Variants in AMPH observed in about 807,000 individuals in gnomAD.
The protein encoded by AMPH is amphiphysin (Stiff-Mann syndrome with breast cancer 128kD autoantigen).
Under a neutral mutation model 99.1 loss-of-function variants are expected in AMPH, and 49 were observed. The ratio of observed to expected loss-of-function variants is 0.49; its 90% confidence interval spans 0.39 to 0.63. The LOEUF (loss-of-function observed/expected upper bound fraction) is 0.63, where lower values mean the gene tolerates loss of function less well. Ranked by LOEUF, AMPH falls within the 20% of genes least tolerant of loss-of-function variation. AMPH has a pLI of 0.00. For synonymous variants in AMPH, 314 were observed against 317.3 expected (o/e 0.99, Z 0.11); for missense variants, 759 against 863.4 (o/e 0.88, Z 1.52).
intron 9 of AMPH, chr7:38,463,348 T>C (rs1787529553): frequency 1.6e-6 from 1 of 625,534 alleles, no homozygotes; most frequent in Admixed American, 2.2e-5. Flanking sequence ...GTAGCCATGT[T>C]TTATTGTCCC....
intron 1 of AMPH, among the ~76,000 whole-genome samples, chr7:38,549,067 A>G (rs1310821387): frequency 6.6e-6 from 1 of 152,140 alleles, no homozygotes; most frequent in African/African-American, 2.4e-5. Flanking sequence ...TTTCAGGCTG[A>G]TTGTTTTTAG....
intron 5 of AMPH, among the ~76,000 whole-genome samples, chr7:38,478,047 G>A (rs890607988): frequency 4.1e-5 from 6 of 144,770 alleles, no homozygotes; most frequent in Non-Finnish European, 7.5e-5. Flanking sequence ...AAACAAGGCC[G>A]GGAAAGGATT....
intron 2 of AMPH, among the ~76,000 whole-genome samples, chr7:38,506,672 A>G (rs1789336778): frequency 6.6e-6 from 1 of 152,232 alleles, no homozygotes; most frequent in Non-Finnish European, 1.5e-5. Flanking sequence ...TCTAGGGCAC[A>G]TACATCCACA....
chr7:38,609,644 T>C lies in AMPH; in HGVS notation c.69+21639A>G, dbSNP rs78609351. Reference sequence around the variant, plus strand: ...GATCTGGATCTAAGGCTATCTTCTGTATGATCTCAACTTGTAAAATTTATC... The same window carrying C: ...GATCTGGATCTAAGGCTATCTTCTGCATGATCTCAACTTGTAAAATTTATC... On this transcript the variant is annotated intron_variant, in intron 1 of 20. Coordinates refer to ENST00000356264, the MANE Select transcript of AMPH (RefSeq NM_001635.4). Among the ~76,000 whole-genome samples, 1,304 of 152,316 alleles carry C rather than the reference T, an allele frequency of 8.6e-3. 24 individuals are homozygous for C. The highest frequency in any genetic ancestry group is 0.069 in the East Asian group (356 of 5,182).
chr7:38,501,480 G>C (rs994052850), intron 3 of AMPH, among the ~76,000 whole-genome samples: 6 of 152,094 alleles, frequency 3.9e-5, no homozygotes, highest in Non-Finnish European at 8.8e-5. Context: ...GAGCCACTGT[G>C]CCTGGCTGTA....
At chr7:38,475,273 T>C (rs1049996645) in intron 7 of AMPH, 58 bp downstream of exon 7, 1 of 1,085,738 alleles carries the variant, frequency 9.2e-7, no homozygotes, top group Non-Finnish European at 1.4e-6. Context: ...ATAAGGGATA[T>C]TCACTGATCT....
intron 1 of AMPH, among the ~76,000 whole-genome samples, chr7:38,538,859 A>G (rs747158651): frequency 2.0e-5 from 3 of 152,186 alleles, no homozygotes; most frequent in Non-Finnish European, 2.9e-5. Context: ...TTGGACATGC[A>G]GGGTTTGAGA....
intron 2 of AMPH, among the ~76,000 whole-genome samples, chr7:38,524,985 A>T (rs1319087949): frequency 6.6e-6 from 1 of 151,836 alleles, no homozygotes; most frequent in Non-Finnish European, 1.5e-5. Context: ...CAAGAATGTG[A>T]GTCTGTGGCT....
At chr7:38,459,001 T>C (rs907410734) in intron 11 of AMPH, among the ~76,000 whole-genome samples, 1 of 151,976 alleles carries the variant, frequency 6.6e-6, no homozygotes, top group Non-Finnish European at 1.5e-5. Context: ...ACCTCCTAAA[T>C]TTGATAAATA....
At chr7:38,461,530 A>G (rs1380207121) in intron 10 of AMPH, 119 bp from the exon 11 acceptor site, 1 of 1,185,130 alleles carries the variant, frequency 8.4e-7, no homozygotes, top group East Asian at 2.4e-5. Flanking sequence ...TTGTATCTGC[A>G]TATAGCAGCA....
chr7:38,516,755 C>A (rs908290881), intron 2 of AMPH, among the ~76,000 whole-genome samples: 4 of 152,196 alleles, frequency 2.6e-5, no homozygotes, highest in African/African-American at 9.6e-5. Flanking sequence ...TCAACACCAG[C>A]CGATGAAAGC....
chr7:38,625,858 T>G (rs1376041324), intron 1 of AMPH, among the ~76,000 whole-genome samples: 1 of 152,188 alleles, frequency 6.6e-6, no homozygotes, highest in African/African-American at 2.4e-5. Context: ...CAGATATCCA[T>G]ATACATAGAA....
At chr7:38,537,368 G>C (rs1328710649) in intron 1 of AMPH, among the ~76,000 whole-genome samples, 1 of 152,034 alleles carries the variant, frequency 6.6e-6, no homozygotes, top group East Asian at 1.9e-4. Flanking sequence ...CCAGCATATA[G>C]TTAATGCTCA....
chr7:38,571,748 T>G (rs984967950), intron 1 of AMPH, among the ~76,000 whole-genome samples: 1 of 151,804 alleles, frequency 6.6e-6, no homozygotes, highest in African/African-American at 2.4e-5. Flanking sequence ...AGAAGTATGA[T>G]TTTGATAAAT....
At position 38,453,577 on chromosome 7, in the gene AMPH, C is replaced by T. The variant is rs868640546; in HGVS notation, c.1017+7706G>A. 1.4e-4 allele frequency among the ~76,000 whole-genome samples: 22 copies of T among 152,272 alleles called. 1 individual carries two copies. In the Middle Eastern group the frequency reaches 0.01, roughly 71 times the overall value. ...TCAAAAGTGCTTTGATCCTTTTTCCCCCCACCATCAAGTGTCCTTACCTAT... is the reference window on the plus strand; with the variant it reads ...TCAAAAGTGCTTTGATCCTTTTTCCTCCCACCATCAAGTGTCCTTACCTAT... On this transcript the variant is annotated intron_variant, in intron 11 of 20. Coordinates refer to ENST00000356264, the MANE Select transcript of AMPH (RefSeq NM_001635.4).
chr7:38,485,320 G>C (rs1332883823), intron 5 of AMPH, among the ~76,000 whole-genome samples: 1 of 151,864 alleles, frequency 6.6e-6, no homozygotes, highest in Non-Finnish European at 1.5e-5. Context: ...GAAAAGATTA[G>C]GGATGGCTGT....
intron 1 of AMPH, among the ~76,000 whole-genome samples, chr7:38,545,065 GGTAAGT>G (rs1790944791): frequency 6.6e-6 from 1 of 152,022 alleles, no homozygotes; most frequent in African/African-American, 2.4e-5. Context: ...TCTGCAGCTC[GGTAAGT>G]GTCTCTTGAG....
chr7:38,429,256 G>A (rs1308613365), intron 14 of AMPH: 1 of 1,286,422 alleles, frequency 7.8e-7, no homozygotes, highest in Non-Finnish European at 1.0e-6. Context: ...TCCGGCGCAG[G>A]CTTTGGGGGC....
At chr7:38,534,504 C>T (rs1025234022) in intron 2 of AMPH, among the ~76,000 whole-genome samples, 1 of 152,050 alleles carries the variant, frequency 6.6e-6, no homozygotes, top group Non-Finnish European at 1.5e-5. Context: ...AAAACCCCAT[C>T]TCTACTAAAA....
Sources: gnomAD v4.1 joint callset for allele counts (sites outside exome capture counted in the v4.1 genomes callset) on GRCh38, gnomAD v4.1.1 for gene constraint, MANE v1.5 for transcripts, NCBI Gene and HGNC (gene_info 2026-07-23, HGNC 2026-07-21) for gene names.